The following TMEM266 variants were observed in gnomAD, a reference collection of about 807,000 sequenced individuals.
TMEM266 encodes transmembrane protein 266, also known as Hv1 related protein 1.
A neutral mutation model predicts 50.5 loss-of-function variants in TMEM266; 33 were observed. The observed-to-expected ratio is 0.65, with a 90% CI of 0.50 to 0.87. The LOEUF (loss-of-function observed/expected upper bound fraction) is 0.87, where lower values mean the gene tolerates loss of function less well. TMEM266 is among the 40% of genes least tolerant of loss of function. The pLI, the probability that TMEM266 is intolerant of heterozygous loss-of-function variation, is 0.00. For missense variants in TMEM266, 655 were observed against 695.1 expected, an observed-to-expected ratio of 0.94 and a Z score of 0.65; for synonymous variants, 310 against 292.3, an observed-to-expected ratio of 1.06 and a Z score of -0.62.
At chr15:76,119,142 C>T (rs951576842) in intron 1 of TMEM266, among the ~76,000 whole-genome samples, 5 of 152,098 alleles carry the variant, frequency 3.3e-5, no homozygotes, top group Admixed American at 2.0e-4. Context: ...CTATGTGGGG[C>T]ACTAGCCTAT....
intron 1 of TMEM266, among the ~76,000 whole-genome samples, chr15:76,066,198 C>T (rs1168104871): frequency 6.6e-6 from 1 of 152,308 alleles, no homozygotes; most frequent in East Asian, 1.9e-4. Flanking sequence ...CTTGGCCCTT[C>T]CAAAATCCTT....
intron 5 of TMEM266, among the ~76,000 whole-genome samples, chr15:76,167,425 G>A (rs1421330742): frequency 6.7e-6 from 1 of 149,304 alleles, no homozygotes; most frequent in African/African-American, 2.5e-5. Flanking sequence ...AGCCAAGATC[G>A]TGCCACTGCA....
chr15:76,130,217 T>C (rs1416892953), intron 1 of TMEM266, among the ~76,000 whole-genome samples: 6 of 48,384 alleles, frequency 1.2e-4, no homozygotes, highest in Non-Finnish European at 2.1e-4. Context: ...TGAGACCCTG[T>C]CAAAAAAAAA....
Position 76,160,194 on chromosome 15 carries a change from C to G in TMEM266, c.456+26C>G. The G allele has an allele frequency of 6.2e-7, 1 of 1,604,132 alleles. No individual in the cohort carries two copies. The highest frequency in any genetic ancestry group is 8.5e-7 in the Non-Finnish European group (1 of 1,170,946). On this transcript the variant is annotated intron_variant, in intron 5 of 10. Coordinates refer to ENST00000388942, the MANE Select transcript of TMEM266 (RefSeq NM_152335.3). This position sits in a 1 kb window ranked among gnomAD's most constrained non-coding sequence, Gnocchi z 5.7. ...GTAGGTGGAGACTCTGGCCCTGTCA[C>G]CTCCTCTGTTGGGTGACTCCTGTCC... is the stretch of plus-strand genomic sequence containing the variant.
In TMEM266 at chr15:76,156,728, G is replaced by C. The variant is rs564550568; in HGVS notation, c.352G>C (p.Glu118Gln). 1 of 1,614,146 alleles carries C rather than the reference G, an allele frequency of 6.2e-7. No homozygotes were observed. Among genetic ancestry groups the C allele is most frequent in the African/African-American group, 1.3e-5 (1 of 75,046 alleles). The change falls in exon 4 of 11, where the codon GAA becomes CAA. Residue 118 changes from glutamate (E) to glutamine (Q), a missense_variant. Around this residue, in one of 3 missense-constraint regions of TMEM266, gnomAD observed 101 missense variants for 182.6 expected, o/e 0.55. Transcript: ENST00000388942. ...ATTGGTGGTGATTCTCCTGACTCTGGAACTTCTAATAGATATAAAGCTTCT... is the reference window on the plus strand; with the variant it reads ...ATTGGTGGTGATTCTCCTGACTCTGCAACTTCTAATAGATATAAAGCTTCT...
At chr15:76,155,976 G>A (rs1339390308) in intron 3 of TMEM266, among the ~76,000 whole-genome samples, 1 of 152,154 alleles carries the variant, frequency 6.6e-6, no homozygotes, top group South Asian at 2.1e-4. Context: ...TGCCACATAG[G>A]CCGACTGTCC....
intron 9 of TMEM266, among the ~76,000 whole-genome samples, chr15:76,199,548 C>T (rs531686571): frequency 0.021 from 3,224 of 151,254 alleles, 35 homozygotes; most frequent in South Asian, 0.035. Context: ...CCTGGGTGTC[C>T]GTGCTGGCCA....
chr15:76,116,416 C>G (rs2037247578), intron 1 of TMEM266, among the ~76,000 whole-genome samples: 1 of 152,146 alleles, frequency 6.6e-6, no homozygotes, highest in South Asian at 2.1e-4. Flanking sequence ...CTCCCTCATC[C>G]TCAGGGAAGG....
intron 8 of TMEM266, among the ~76,000 whole-genome samples, chr15:76,184,944 C>A (rs2038472126): frequency 6.6e-6 from 1 of 152,060 alleles, no homozygotes; most frequent in South Asian, 2.1e-4. Flanking sequence ...CTTTTTTTCC[C>A]ACCGGGCCCA....
chr15:76,162,183 G>A (rs565938527), intron 5 of TMEM266, among the ~76,000 whole-genome samples: 4 of 152,194 alleles, frequency 2.6e-5, no homozygotes, highest in African/African-American at 7.2e-5. Context: ...GGCTGGCTCC[G>A]TTACCTTGAC....
intron 2 of TMEM266, 104 bp from the exon 3 acceptor site, chr15:76,137,603 C>A: frequency 2.5e-6 from 3 of 1,184,672 alleles, no homozygotes; most frequent in Non-Finnish European, 3.7e-6. Flanking sequence ...CTTCCTCAGC[C>A]CTCCACTGGC....
At chr15:76,136,503 C>A (rs1211661733) in intron 2 of TMEM266, among the ~76,000 whole-genome samples, 1 of 152,220 alleles carries the variant, frequency 6.6e-6, no homozygotes, top group Non-Finnish European at 1.5e-5. Flanking sequence ...AGCCCAAGAG[C>A]AGTTTACAGC....
intron 7 of TMEM266, among the ~76,000 whole-genome samples, chr15:76,173,145 C>T (rs1439533106): frequency 6.6e-6 from 1 of 152,178 alleles, no homozygotes; most frequent in Non-Finnish European, 1.5e-5. Context: ...GGGGCGGCCT[C>T]TGGACCTGGA....
At chr15:76,151,746 C>A (rs1381452515) in intron 3 of TMEM266, among the ~76,000 whole-genome samples, 1 of 152,148 alleles carries the variant, frequency 6.6e-6, no homozygotes, top group Non-Finnish European at 1.5e-5. Context: ...AGCATTTGTT[C>A]TCACCCAAAG....
chr15:76,123,401 A>C (rs2037371888), intron 1 of TMEM266, among the ~76,000 whole-genome samples: 1 of 152,332 alleles, frequency 6.6e-6, no homozygotes. Flanking sequence ...GCTTCCCCCT[A>C]GGAGCAGATT....
chr15:76,087,155 C>T (rs948812000), intron 1 of TMEM266, among the ~76,000 whole-genome samples: 9 of 152,032 alleles, frequency 5.9e-5, no homozygotes, highest in Non-Finnish European at 1.2e-4. Context: ...ATAAATTGTG[C>T]ATCTTTTTTT....
intron 8 of TMEM266, among the ~76,000 whole-genome samples, chr15:76,180,660 C>G (rs561935306): frequency 4.0e-4 from 52 of 129,130 alleles, no homozygotes; most frequent in African/African-American, 1.3e-3. Context: ...GTCACCCAGG[C>G]TGGAGTGTAG....
intron 1 of TMEM266, among the ~76,000 whole-genome samples, chr15:76,096,821 T>C (rs1222879527): frequency 2.0e-5 from 3 of 152,072 alleles, no homozygotes; most frequent in Non-Finnish European, 4.4e-5. Flanking sequence ...TTTGGATAGT[T>C]AGCTCTTCTT....
In TMEM266 at chr15:76,139,331, G is replaced by A. The variant is rs1343414981; in HGVS notation, c.227+1436G>A. On this transcript the variant is annotated intron_variant, in intron 3 of 10. Transcript: ENST00000388942. The surrounding 1 kb of genome is among the most constrained non-coding windows in gnomAD (Gnocchi z 4.1). ...AATTTTTCCAAGTATTATGCATATTGTCATCAGGACACTGGACAAAAAAGG... is the reference window on the plus strand; with the variant it reads ...AATTTTTCCAAGTATTATGCATATTATCATCAGGACACTGGACAAAAAAGG... Among the ~76,000 whole-genome samples the A allele has an allele frequency of 6.6e-6, 1 of 152,180 alleles. No individual in the cohort carries two copies. The highest frequency in any genetic ancestry group is 2.4e-5 in the African/African-American group (1 of 41,434).
Sources: allele counts gnomAD v4.1 joint callset (sites outside exome capture counted in the v4.1 genomes callset), GRCh38; gene constraint gnomAD v4.1.1; regional missense constraint gnomAD v4.1.1; non-coding constraint Gnocchi (gnomAD v3.1); transcripts MANE v1.5; gene names NCBI Gene and HGNC (gene_info 2026-07-23, HGNC 2026-07-21).